RFX7: variants seen among roughly 807,000 people sequenced by gnomAD.
RFX7 encodes regulatory factor X7.
A neutral mutation model predicts 111.8 loss-of-function variants in RFX7; 26 were observed. The observed-to-expected ratio is 0.23, with a 90% CI of 0.17 to 0.32. The LOEUF is 0.32. RFX7 is among the 10% of genes least tolerant of loss of function. The pLI is 1.00. For synonymous variants in RFX7, 624 were observed against 624.4 expected (o/e 1.00, Z 0.01); for missense variants, 1,573 against 1,772.9 (o/e 0.89, Z 2.02).
chr15:56,098,243 C>T lies in RFX7; in HGVS notation c.945G>A (p.Gln315=), dbSNP rs1361669204. The change falls in exon 9 of 10, where the codon CAG becomes CAA. Residue 315 remains glutamine, a synonymous_variant. Transcript: ENST00000559447. ...AAGGGGATTGTAGTTTCTGTTCTTG[C>T]TGCTTCTTCTGGATTTTCCGTTGCA... is the stretch of plus-strand genomic sequence containing the variant. ...QQLQRKIQKK[Q]QEQKLQSPLP... is the part of the protein sequence containing the mutation. 1 of 1,613,978 alleles carries T rather than the reference C, an allele frequency of 6.2e-7. No individual in the cohort carries two copies. Among genetic ancestry groups the T allele is most frequent in the Admixed American group, 1.7e-5 (1 of 60,024 alleles).
At chr15:56,236,742 A>G (rs1175379472) in intron 2 of RFX7, among the ~76,000 whole-genome samples, 2 of 152,212 alleles carry the variant, frequency 1.3e-5, no homozygotes, top group Non-Finnish European at 2.9e-5. Context: ...TTACATTACT[A>G]TTATGGGATA....
rs2140980421 is a variant in RFX7 at position 56,126,093 on chromosome 15, T to C, written c.401+16685A>G. ...ATTTCAATTTGCTGGATCATTTCAGTTAATTTTTGAATAAAGCATGGCAAC... is the reference window on the plus strand; with the variant it reads ...ATTTCAATTTGCTGGATCATTTCAGCTAATTTTTGAATAAAGCATGGCAAC... On this transcript the variant is annotated intron_variant, in intron 5 of 9. Coordinates refer to ENST00000559447, the MANE Select transcript of RFX7 (RefSeq NM_022841.7). Among the ~76,000 whole-genome samples the C allele has an allele frequency of 2.6e-5, 4 of 152,332 alleles. 1 individual carries two copies. In the South Asian group the frequency reaches 8.3e-4, roughly 32 times the overall value.
chr15:56,140,471 C>T (rs540181929), intron 5 of RFX7, among the ~76,000 whole-genome samples: 174 of 152,306 alleles, frequency 1.1e-3, no homozygotes, highest in African/African-American at 3.8e-3. Context: ...CGCCCTGCTT[C>T]GGCTGGCGCA....
At chr15:56,209,275 CGA>C (rs1267842450) in intron 2 of RFX7, among the ~76,000 whole-genome samples, 2 of 150,304 alleles carry the variant, frequency 1.3e-5, no homozygotes, top group African/African-American at 4.9e-5. Flanking sequence ...GTGAAACACT[CGA>C]GAGTGTCAAG....
At position 56,095,230 on chromosome 15, in the gene RFX7, T is replaced by C. The variant is rs369526705; in HGVS notation, c.2498A>G (p.Gln833Arg). 8.2e-5 allele frequency: 133 copies of C among 1,613,542 alleles called. No homozygotes were observed. The highest frequency in any genetic ancestry group is 1.2e-4 in the African/African-American group (9 of 74,928). Reference sequence around the variant, plus strand: ...TTCCTGTATCTGGCTATGTAGCTGCTGGCTATATGTGTCCTGTGGCATTCC... The same window carrying C: ...TTCCTGTATCTGGCTATGTAGCTGCCGGCTATATGTGTCCTGTGGCATTCC... ...LEGMPQDTYS[Q>R]QLHSQIQESS... Residue 833 changes from glutamine (Q) to arginine (R), a missense_variant, in exon 10 of 10, where the codon CAG becomes CGG. Physicochemically the swap from Gln to Arg is conservative, Grantham distance 43. This residue lies in a region of RFX7 where 625 missense variants were observed against 632.2 expected (regional missense o/e 0.99). Transcript: ENST00000559447.
In RFX7 at chr15:56,095,335, T is replaced by G; in HGVS notation, c.2393A>C (p.Gln798Pro). The change falls in exon 10 of 10, where the codon CAA becomes CCA. Residue 798 changes from glutamine to proline, a missense_variant. Gln to Pro is a moderately conservative substitution (Grantham distance 76). Around this residue, in one of 7 missense-constraint regions of RFX7, gnomAD observed 625 missense variants for 632.2 expected, o/e 0.99. Transcript: ENST00000559447. The stretch of plus-strand genomic sequence containing the variant: ...TGTCATAACACTGATATCTTGCTGT[T>G]GTTCACAACTGGCAGATATAAACTC... ...DSEFISASCE[Q>P]QQDISVMTIP... The G allele has an allele frequency of 6.2e-7, 1 of 1,613,948 alleles. No homozygotes were observed. Among genetic ancestry groups the G allele is most frequent in the Non-Finnish European group, 8.5e-7 (1 of 1,179,848 alleles).
rs1282607600 is a variant in RFX7 at position 56,218,280 on chromosome 15, G to A, written c.161+24845C>T. Among the ~76,000 whole-genome samples, 13 of 138,664 alleles carry A rather than the reference G, an allele frequency of 9.4e-5. 1 individual carries two copies. Among genetic ancestry groups the A allele is most frequent in the Non-Finnish European group, 1.4e-4 (9 of 65,774 alleles). The allele number at this position is 138,664 out of a possible 152,430, so 91.0% of individuals were successfully genotyped here. ...AGCAATTCTCCTGCCTCAGCCTCCC[G>A]CCACCATGCCCAAGTAATGTTTTGT... On this transcript the variant is annotated intron_variant, in intron 2 of 9. Coordinates refer to ENST00000559447, the MANE Select transcript of RFX7 (RefSeq NM_022841.7).
Position 56,203,337 on chromosome 15 carries a change from T to C in RFX7, c.162-24034A>G, listed in dbSNP as rs562977808. On this transcript the variant is annotated intron_variant, in intron 2 of 9. Coordinates refer to ENST00000559447, the MANE Select transcript of RFX7 (RefSeq NM_022841.7). ...GGTAACCCACAGAGAAAGTGGCTAA[T>C]GTTCAGGTAAATTTAGGAATTGCTG... 1.2e-4 allele frequency among the ~76,000 whole-genome samples: 19 copies of C among 152,296 alleles called. No homozygotes were observed. The South Asian group carries it at 3.1e-3, about 25-fold the overall frequency.
intron 5 of RFX7, among the ~76,000 whole-genome samples, chr15:56,123,605 C>T (rs1370880909): frequency 1.3e-5 from 2 of 152,182 alleles, no homozygotes; most frequent in Non-Finnish European, 2.9e-5. Flanking sequence ...CGCCCAAGTC[C>T]ACTGGTTCCG....
At chr15:56,114,419 A>C (rs1342752635) in intron 5 of RFX7, among the ~76,000 whole-genome samples, 3 of 151,004 alleles carry the variant, frequency 2.0e-5, no homozygotes, top group African/African-American at 7.3e-5. Context: ...TCCAAAAAAA[A>C]AAAAAAAACA....
At chr15:56,228,068 T>C (rs2043505948) in intron 2 of RFX7, among the ~76,000 whole-genome samples, 1 of 152,156 alleles carries the variant, frequency 6.6e-6, no homozygotes, top group African/African-American at 2.4e-5. Flanking sequence ...TCAGTTCAAA[T>C]ATGATATAAT....
intron 8 of RFX7, among the ~76,000 whole-genome samples, chr15:56,098,994 AAAGTT>A (rs1313102632): frequency 6.6e-6 from 1 of 152,230 alleles, no homozygotes. Flanking sequence ...TAACAAGACT[AAAGTT>A]AAGATATTCC....
At chr15:56,185,929 A>T (rs2043033407) in intron 2 of RFX7, among the ~76,000 whole-genome samples, 1 of 152,174 alleles carries the variant, frequency 6.6e-6, no homozygotes, top group Non-Finnish European at 1.5e-5. Flanking sequence ...ATTATTTTTC[A>T]GAGGAGTCTC....
At chr15:56,122,560 C>G (rs2042092292) in intron 5 of RFX7, among the ~76,000 whole-genome samples, 1 of 152,208 alleles carries the variant, frequency 6.6e-6, no homozygotes, top group South Asian at 2.1e-4. Context: ...TCACTCAAGC[C>G]CTAGGGCTCT....
chr15:56,152,505 T>C (rs1395595467), intron 3 of RFX7, among the ~76,000 whole-genome samples: 2 of 151,976 alleles, frequency 1.3e-5, no homozygotes, highest in African/African-American at 4.8e-5. Flanking sequence ...TTGAAACCAA[T>C]GAGAATGAGA....
intron 2 of RFX7, among the ~76,000 whole-genome samples, chr15:56,233,995 T>C (rs2043596142): frequency 1.3e-5 from 2 of 152,216 alleles, no homozygotes; most frequent in South Asian, 4.1e-4. Context: ...ATCATAACTC[T>C]GAATCTAATT....
intron 7 of RFX7, among the ~76,000 whole-genome samples, chr15:56,101,890 A>G (rs1290540740): frequency 6.6e-6 from 1 of 152,228 alleles, no homozygotes; most frequent in Non-Finnish European, 1.5e-5. Context: ...AACATATTAC[A>G]TGATGACTGA....
Position 56,098,102 on chromosome 15 carries a change from T to A in RFX7, c.1086A>T (p.Ala362=), listed in dbSNP as rs1198318332. The change falls in exon 9 of 10, where the codon GCA becomes GCT. Residue 362 remains alanine (A), a synonymous_variant. Coordinates refer to ENST00000559447, the MANE Select transcript of RFX7 (RefSeq NM_022841.7). ...TTACCGGAATGGGACTAGGGACAGC[T>A]GCCACAACGATACCAATAGGTTGAG... The part of the protein sequence containing the change: ...LSPQPIGIVV[A]AVPSPIPVQR... 55 of 1,613,760 alleles carry A rather than the reference T, an allele frequency of 3.4e-5. No individual in the cohort carries two copies. The highest frequency in any genetic ancestry group is 4.2e-5 in the Non-Finnish European group (50 of 1,179,794).
intron 2 of RFX7, among the ~76,000 whole-genome samples, chr15:56,204,017 A>T (rs1295866112): frequency 4.6e-5 from 6 of 131,216 alleles, no homozygotes; most frequent in African/African-American, 1.5e-4. Flanking sequence ...CTGTAACAAA[A>T]CCTTTTTTTT....
Sources: gnomAD v4.1 joint callset for allele counts (sites outside exome capture counted in the v4.1 genomes callset) on GRCh38, gnomAD v4.1.1 for gene constraint, gnomAD v4.1.1 regional missense constraint, MANE v1.5 for transcripts, NCBI Gene and HGNC (gene_info 2026-07-23, HGNC 2026-07-21) for gene names.